CRYBG1: variants seen among roughly 807,000 people sequenced by gnomAD.
The protein encoded by CRYBG1 is beta/gamma crystallin domain-containing protein 1.
In CRYBG1, 139 loss-of-function variants were observed where a neutral mutation model predicts 189.2. That is an observed-to-expected ratio of 0.73 (90% CI 0.64 to 0.85). CRYBG1 has a LOEUF of 0.85. Among genes scored for constraint, CRYBG1 ranks in the 40% least tolerant of loss-of-function variants. The pLI is 0.00. For missense variants in CRYBG1, 2,611 were observed against 2,675.8 expected (o/e 0.98, Z 0.53); for synonymous variants, 1,023 against 1,017.1 (o/e 1.01, Z -0.11).
intron 2 of CRYBG1, 80 bp from the exon 3 acceptor site, chr6:106,511,350 C>T: frequency 8.0e-7 from 1 of 1,252,476 alleles, no homozygotes; most frequent in Non-Finnish European, 1.1e-6. Flanking sequence ...ATCATTTTGG[C>T]TGGTGGTTCT....
At chr6:106,400,274 C>T (rs1770697174) in intron 1 of CRYBG1, among the ~76,000 whole-genome samples, 2 of 152,144 alleles carry the variant, frequency 1.3e-5, no homozygotes, top group Non-Finnish European at 2.9e-5. Context: ...GCCACCATGC[C>T]CCACCCAGAT....
rs1195766697 is a variant in CRYBG1, at chr6:106,568,580, A to G, written c.*14A>G. On this transcript the variant is annotated 3_prime_UTR_variant, in exon 22 of 22. Coordinates refer to ENST00000633556, the MANE Select transcript of CRYBG1 (RefSeq NM_001371242.2). ...CTATATACCTGAACAAAGAAGGAAG[A>G]AGAATCTTCTGGAGGTCCTTCCAGC... 1.3e-6 allele frequency: 2 copies of G among 1,586,214 alleles called. No homozygotes were observed. The highest frequency in any genetic ancestry group is 1.7e-4 in the Middle Eastern group (1 of 5,994).
At chr6:106,372,328 T>G (rs1320327478) in intron 1 of CRYBG1, among the ~76,000 whole-genome samples, 1 of 152,132 alleles carries the variant, frequency 6.6e-6, no homozygotes, top group Non-Finnish European at 1.5e-5. Context: ...CTCAACTCAC[T>G]GTAGCCTTGA....
At chr6:106,398,483 T>C (rs1770655971) in intron 1 of CRYBG1, among the ~76,000 whole-genome samples, 1 of 152,102 alleles carries the variant, frequency 6.6e-6, no homozygotes, top group African/African-American at 2.4e-5. Flanking sequence ...TAAAATCCAA[T>C]AAACCAACAA....
intron 1 of CRYBG1, among the ~76,000 whole-genome samples, chr6:106,377,518 A>C (rs1355298865): frequency 6.6e-6 from 1 of 151,820 alleles, no homozygotes; most frequent in Non-Finnish European, 1.5e-5. Context: ...GAAGAATGTC[A>C]GTGTTTTCTG....
chr6:106,361,896 A>G (rs1771874852), intron 1 of CRYBG1, among the ~76,000 whole-genome samples: 1 of 151,044 alleles, frequency 6.6e-6, no homozygotes, highest in Non-Finnish European at 1.5e-5. Flanking sequence ...TTTAAAATAC[A>G]CCCTATGAGG....
chr6:106,420,516 G>A (rs1771104203), intron 1 of CRYBG1, among the ~76,000 whole-genome samples: 1 of 152,124 alleles, frequency 6.6e-6, no homozygotes, highest in African/African-American at 2.4e-5. Flanking sequence ...TGTCTGTTTG[G>A]GAACAAAAAC....
chr6:106,520,755 A>G lies in CRYBG1; in HGVS notation c.3547A>G (p.Thr1183Ala). ...PALHLMQNLD[T>A]KSKLRPKRAS... is the part of the protein sequence containing the mutation. ...TTTACATTTGATGCAGAACCTTGACACAAAATCCAAACTGAGACCCAAACG... is the reference window on the plus strand; with the variant it reads ...TTTACATTTGATGCAGAACCTTGACGCAAAATCCAAACTGAGACCCAAACG... Residue 1183 changes from threonine (T) to alanine (A), a missense_variant, in exon 4 of 22, where the codon ACA becomes GCA. Physicochemically the swap from Thr to Ala is moderately conservative, Grantham distance 58 (BLOSUM62 0). Transcript: ENST00000633556. The G allele has an allele frequency of 3.1e-6, 5 of 1,614,222 alleles. No individual in the cohort carries two copies. Among genetic ancestry groups the G allele is most frequent in the Non-Finnish European group, 3.4e-6 (4 of 1,180,052 alleles).
intron 2 of CRYBG1, among the ~76,000 whole-genome samples, chr6:106,469,061 T>C (rs1246351792): frequency 1.3e-5 from 2 of 152,214 alleles, no homozygotes; most frequent in African/African-American, 4.8e-5. Context: ...GCCTGGCTCC[T>C]GCCCCTGCCC....
rs898158524 is a variant in CRYBG1, at chr6:106,512,208, C to T, written c.1091C>T (p.Ala364Val). Residue 364 changes from alanine (A) to valine (V), a missense_variant, in exon 3 of 22, where the codon GCC (alanine) becomes GTC (valine). Transcript: ENST00000633556. ...AGCTCCGCGCAGGCAGACTGCACAG[C>T]CCGCCCCAAGGGTCACGCCCACCCT... The part of the protein sequence containing the change: ...TASSAQADCT[A>V]RPKGHAHPAK... 2.2e-5 allele frequency: 34 copies of T among 1,536,030 alleles called. No individual in the cohort carries two copies. The African/African-American group carries it at 3.8e-4, about 17-fold the overall frequency.
chr6:106,502,429 G>A (rs1016421858), intron 2 of CRYBG1, among the ~76,000 whole-genome samples: 9 of 152,150 alleles, frequency 5.9e-5, no homozygotes, highest in Middle Eastern at 3.4e-3. Flanking sequence ...TAACTTGTCA[G>A]TAATTTGATT....
intron 2 of CRYBG1, among the ~76,000 whole-genome samples, chr6:106,492,967 T>C (rs957936299): frequency 6.9e-5 from 9 of 131,248 alleles, no homozygotes; most frequent in Admixed American, 1.5e-4. Context: ...TTTTTCTATT[T>C]TTAATTTTTT....
chr6:106,376,771 A>G (rs931774255), intron 1 of CRYBG1, among the ~76,000 whole-genome samples: 9 of 152,156 alleles, frequency 5.9e-5, no homozygotes, highest in African/African-American at 2.2e-4. Context: ...CTTTGTGTGT[A>G]CCATCGGTTC....
chr6:106,567,439 A>G (rs560236428), intron 21 of CRYBG1, among the ~76,000 whole-genome samples: 1 of 152,336 alleles, frequency 6.6e-6, no homozygotes, highest in East Asian at 1.9e-4. Context: ...TTCCTCAACT[A>G]TAATACCTAG....
intron 1 of CRYBG1, among the ~76,000 whole-genome samples, chr6:106,396,283 C>A (rs556714155): frequency 1.3e-5 from 2 of 152,260 alleles, no homozygotes; most frequent in East Asian, 3.9e-4. Flanking sequence ...ACTGATTAGT[C>A]TCCCAGCATC....
rs4946763 is a variant in CRYBG1 at position 106,558,472 on chromosome 6, T to C, written c.5716-14T>C. On this transcript the variant is annotated splice_polypyrimidine_tract_variant and intron_variant, in intron 17 of 21. Coordinates refer to ENST00000633556, the MANE Select transcript of CRYBG1 (RefSeq NM_001371242.2). ...AAAGATGAATAACAGAACATTGTTT[T>C]TGTTCCTCAACAGGAATTTTCTGAA... The C allele has an allele frequency of 0.71, 1,110,489 of 1,560,688 alleles. 399,779 individuals are homozygous for C. Among genetic ancestry groups the C allele is most frequent in the Non-Finnish European group, 0.74 (841,639 of 1,141,676 alleles).
In CRYBG1 at chr6:106,550,861, GA is replaced by G. The variant is rs576875695; in HGVS notation, c.5313-981del. Among the ~76,000 whole-genome samples, 447 of 146,896 alleles carry G rather than the reference GA, an allele frequency of 3.0e-3. 4 individuals carry two copies. The highest frequency in any genetic ancestry group is 0.011 in the African/African-American group (434 of 40,068). ...GTTTTGTTTCCTTAGAATACAATTA[GA>G]AAAAAAAAAGCACAGAGAAGTATTG... On this transcript the variant is annotated intron_variant, in intron 13 of 21. Transcript: ENST00000633556.
At chr6:106,414,106 C>T (rs1487063623) in intron 1 of CRYBG1, among the ~76,000 whole-genome samples, 1 of 152,222 alleles carries the variant, frequency 6.6e-6, no homozygotes, top group African/African-American at 2.4e-5. Flanking sequence ...TCCAGTGCAA[C>T]TGGTTCCACC....
intron 1 of CRYBG1, among the ~76,000 whole-genome samples, chr6:106,375,591 T>G (rs1451262481): frequency 2.0e-5 from 3 of 152,192 alleles, no homozygotes; most frequent in Non-Finnish European, 4.4e-5. Context: ...CACTTTATCT[T>G]CCTTAAAGAG....
Sources: gnomAD v4.1 joint callset for allele counts (sites outside exome capture counted in the v4.1 genomes callset) on GRCh38, gnomAD v4.1.1 for gene constraint, MANE v1.5 for transcripts, NCBI Gene and HGNC (gene_info 2026-07-23, HGNC 2026-07-21) for gene names.